Variants in CPQ observed in about 807,000 individuals in gnomAD.
CPQ encodes the protein Ser-Met dipeptidase.
A neutral mutation model predicts 45.7 loss-of-function variants in CPQ; 37 were observed. That is an observed-to-expected ratio of 0.81 (90% CI 0.62 to 1.07). The LOEUF is 1.07. Ranked by LOEUF, CPQ falls within the 50% of genes least tolerant of loss-of-function variation. The probability of loss-of-function intolerance (pLI) is 0.00; values close to 1 mark genes in which losing one functional copy is unlikely to be tolerated. For synonymous variants in CPQ, 186 were observed against 205.8 expected, an observed-to-expected ratio of 0.90 and a Z score of 0.82; for missense variants, 537 against 572.9, an observed-to-expected ratio of 0.94 and a Z score of 0.64.
At chr8:96,697,631 G>A (rs1487983254) in intron 1 of CPQ, among the ~76,000 whole-genome samples, 1 of 152,014 alleles carries the variant, frequency 6.6e-6, no homozygotes. Context: ...CACCAAAAAA[G>A]TATGAGAACT....
chr8:97,087,411 G>GA (rs1811058834), intron 7 of CPQ, among the ~76,000 whole-genome samples: 1 of 152,110 alleles, frequency 6.6e-6, no homozygotes, highest in African/African-American at 2.4e-5. Flanking sequence ...GACTTGGGGG[G>GA]TCAAGGGCTT....
chr8:96,661,838 T>C (rs773198698), intron 1 of CPQ, among the ~76,000 whole-genome samples: 2 of 152,234 alleles, frequency 1.3e-5, no homozygotes, highest in Non-Finnish European at 2.9e-5. Context: ...GTTAAGAGTA[T>C]GTTTAGTTTT....
At chr8:96,709,927 C>T (rs111293842) in intron 1 of CPQ, among the ~76,000 whole-genome samples, 3,650 of 152,198 alleles carry the variant, frequency 0.024, 160 homozygotes, top group African/African-American at 0.083. Flanking sequence ...CCTTCTTTCT[C>T]AATCTTTTGG....
chr8:97,007,413 A>G (rs1335134380), intron 5 of CPQ, among the ~76,000 whole-genome samples: 2 of 152,184 alleles, frequency 1.3e-5, no homozygotes, highest in Non-Finnish European at 1.5e-5. Context: ...TGCCACTAAG[A>G]ACTTGCTTCC....
chr8:97,027,996 C>T (rs866540177), intron 5 of CPQ, among the ~76,000 whole-genome samples: 11 of 152,214 alleles, frequency 7.2e-5, no homozygotes, highest in East Asian at 1.9e-4. Context: ...CAGACAACTG[C>T]GGGGCTTGGA....
At chr8:97,101,477 T>C (rs538971430) in intron 7 of CPQ, among the ~76,000 whole-genome samples, 2 of 151,606 alleles carry the variant, frequency 1.3e-5, no homozygotes, top group Non-Finnish European at 2.9e-5. Context: ...ACTATCTCTC[T>C]CTCTCTCTGT....
intron 1 of CPQ, among the ~76,000 whole-genome samples, chr8:96,767,109 A>C (rs949958650): frequency 2.0e-5 from 3 of 152,190 alleles, no homozygotes; most frequent in African/African-American, 7.2e-5. Context: ...GGGCTTTCCA[A>C]TAGAATCTGA....
At chr8:96,888,796 A>C (rs1340580239) in intron 4 of CPQ, among the ~76,000 whole-genome samples, 1 of 152,198 alleles carries the variant, frequency 6.6e-6, no homozygotes, top group Non-Finnish European at 1.5e-5. Context: ...CAGTAGGATG[A>C]GGCATGAGTT....
chr8:96,785,615 A>G (rs1810757905), intron 2 of CPQ, among the ~76,000 whole-genome samples: 2 of 152,320 alleles, frequency 1.3e-5, no homozygotes, highest in South Asian at 2.1e-4. Context: ...AAACATTAGC[A>G]TGGTTCTATA....
intron 1 of CPQ, among the ~76,000 whole-genome samples, chr8:96,753,043 C>T (rs1225775241): frequency 2.6e-5 from 4 of 152,084 alleles, no homozygotes; most frequent in African/African-American, 9.7e-5. Context: ...AATATATTTT[C>T]ATTTAATTCT....
At chr8:97,045,933 G>T (rs905150946) in intron 6 of CPQ, among the ~76,000 whole-genome samples, 1 of 152,206 alleles carries the variant, frequency 6.6e-6, no homozygotes, top group Non-Finnish European at 1.5e-5. Context: ...GTATCCAGAA[G>T]CCAGGATGGG....
intron 1 of CPQ, among the ~76,000 whole-genome samples, chr8:96,747,686 C>T (rs778443211): frequency 2.6e-5 from 4 of 152,174 alleles, no homozygotes; most frequent in Non-Finnish European, 5.9e-5. Context: ...CCTCAGCTCT[C>T]TCTTATGGCA....
chr8:97,077,697 A>G (rs938783847), intron 7 of CPQ, among the ~76,000 whole-genome samples: 4 of 152,110 alleles, frequency 2.6e-5, no homozygotes, highest in African/African-American at 9.6e-5. Context: ...TGATATTTCC[A>G]GACTATGTGG....
chr8:97,077,960 G>A (rs1333068116), intron 7 of CPQ, among the ~76,000 whole-genome samples: 3 of 152,148 alleles, frequency 2.0e-5, no homozygotes, highest in Non-Finnish European at 4.4e-5. Context: ...AAGAAGGTAG[G>A]ATAAATGCCT....
chr8:97,123,082 AAAT>A (rs1247802158), intron 7 of CPQ, among the ~76,000 whole-genome samples: 1 of 104,692 alleles, frequency 9.6e-6, no homozygotes, highest in Non-Finnish European at 1.8e-5. Flanking sequence ...AAAATAAAAT[AAAT>A]AAAATAAAAT....
chr8:97,061,387 C>T (rs184193836), intron 6 of CPQ, among the ~76,000 whole-genome samples: 3 of 152,174 alleles, frequency 2.0e-5, no homozygotes, highest in Non-Finnish European at 2.9e-5. Context: ...CATTTAACTA[C>T]GGTCTTTGTA....
intron 5 of CPQ, among the ~76,000 whole-genome samples, chr8:97,021,406 C>G (rs1809679535): frequency 6.6e-6 from 1 of 151,494 alleles, no homozygotes; most frequent in Non-Finnish European, 1.5e-5. Flanking sequence ...TAAAGGGCAT[C>G]CAAATTGGGA....
Position 96,788,483 on chromosome 8 carries a change from T to C in CPQ, c.433+3153T>C, listed in dbSNP as rs1438218280. Among the ~76,000 whole-genome samples, 8 of 152,254 alleles carry C rather than the reference T, an allele frequency of 5.3e-5. No individual in the cohort carries two copies. In the South Asian group the frequency reaches 8.3e-4, roughly 16 times the overall value. On this transcript the variant is annotated intron_variant, in intron 2 of 7. Coordinates refer to ENST00000220763, the MANE Select transcript of CPQ (RefSeq NM_016134.4). ...CCTGGACTCCATTGTTTTGATGAGA[T>C]GTCAGCTGTTACAGTTTTGGAGGTT...
At chr8:96,970,976 C>T (rs1813665356) in intron 5 of CPQ, among the ~76,000 whole-genome samples, 1 of 152,138 alleles carries the variant, frequency 6.6e-6, no homozygotes, top group South Asian at 2.1e-4. Context: ...GGAAAAGTGT[C>T]CTATGGTCAG....
Sources: allele counts gnomAD v4.1 joint callset (sites outside exome capture counted in the v4.1 genomes callset), GRCh38; gene constraint gnomAD v4.1.1; transcripts MANE v1.5; gene names NCBI Gene and HGNC (gene_info 2026-07-23, HGNC 2026-07-21).